TPR: variants seen among roughly 807,000 people sequenced by gnomAD.
The protein encoded by TPR is nucleoprotein TPR.
TPR carries 51 observed loss-of-function variants against 316.1 expected under a neutral mutation model. That is an observed-to-expected ratio of 0.16 (90% CI 0.13 to 0.20). The LOEUF is 0.20. Ranked by LOEUF, TPR falls within the 10% of genes least tolerant of loss-of-function variation. The pLI is 1.00. For synonymous variants in TPR, 981 were observed against 914.7 expected (o/e 1.07, Z -1.31); for missense variants, 2,272 against 2,754.8 (o/e 0.82, Z 3.92).
In TPR at chr1:186,351,374, C is replaced by G; in HGVS notation, c.2566G>C (p.Glu856Gln). The G allele has an allele frequency of 6.2e-7, 1 of 1,612,510 alleles. No individual in the cohort carries two copies. Among genetic ancestry groups the G allele is most frequent in the Non-Finnish European group, 8.5e-7 (1 of 1,179,320 alleles). ...HEISHLKKKL[E>Q]NEVEQRHTLT... is the part of the protein sequence containing the mutation. ...GTATGCCTTTGTTCCACCTCATTTT[C>G]CAACTTCTTCTTTAGATGAGAGATC... is the stretch of plus-strand genomic sequence containing the variant. The change falls in exon 20 of 51, where the codon GAA (glutamate) becomes CAA (glutamine). Residue 856 changes from glutamate (E) to glutamine (Q), a missense_variant. Around this residue, in one of 10 missense-constraint regions of TPR, gnomAD observed 757 missense variants for 859.8 expected, o/e 0.88. Coordinates refer to ENST00000367478, the MANE Select transcript of TPR (RefSeq NM_003292.3).
chr1:186,338,165 C>T lies in TPR; in HGVS notation c.4230G>A (p.Lys1410=). 1.2e-6 allele frequency: 2 copies of T among 1,612,738 alleles called. No homozygotes were observed. The highest frequency in any genetic ancestry group is 1.7e-6 in the Non-Finnish European group (2 of 1,179,422). Residue 1410 remains lysine, a synonymous_variant, in exon 31 of 51, where the codon AAG becomes AAA. Transcript: ENST00000367478. Reference sequence around the variant, plus strand: ...CATCTAAGTCCTTCTGGATGGTTTCCTTTTCAGTTCTTACTTTATTTAGAT... The same window carrying T: ...CATCTAAGTCCTTCTGGATGGTTTCTTTTTCAGTTCTTACTTTATTTAGAT... ...KEDLNKVRTE[K]ETIQKDLDAK...
rs536722731 is a variant in TPR, at chr1:186,329,304, T to C, written c.5689-1644A>G. Among the ~76,000 whole-genome samples the C allele has an allele frequency of 7.2e-5, 11 of 152,324 alleles. No individual in the cohort carries two copies. The South Asian group carries it at 1.9e-3, about 26-fold the overall frequency. ...TTCAGAAACAATGCTCTCTGAAGGA[T>C]AGATGAAAAAGATATCATTTATAGT... On this transcript the variant is annotated intron_variant, in intron 39 of 50. Transcript: ENST00000367478.
At chr1:186,319,751 C>T (rs1657721166) in intron 46 of TPR, among the ~76,000 whole-genome samples, 1 of 152,062 alleles carries the variant, frequency 6.6e-6, no homozygotes, top group African/African-American at 2.4e-5. Flanking sequence ...ATATGAATTC[C>T]AACTGAGGAT....
intron 46 of TPR, among the ~76,000 whole-genome samples, chr1:186,320,005 CTATATT>C (rs1657731283): frequency 6.6e-6 from 1 of 152,030 alleles, no homozygotes; most frequent in African/African-American, 2.4e-5. Flanking sequence ...CTAGTAGTAC[CTATATT>C]TATTGGTTCA....
intron 26 of TPR, 144 bp downstream of exon 26, chr1:186,343,762 G>T: frequency 3.3e-6 from 3 of 895,698 alleles, no homozygotes; most frequent in South Asian, 2.0e-5. Flanking sequence ...ATGTGTAAAT[G>T]TTAAAAGTTA....
At position 186,357,751 on chromosome 1, in the gene TPR, TA is replaced by T. The variant is rs896630730; in HGVS notation, c.1498-129del. 1.5e-5 allele frequency: 11 copies of T among 726,290 alleles called. No individual in the cohort carries two copies. In the East Asian group the frequency reaches 3.1e-4, roughly 20 times the overall value. 45.0% of individuals were successfully genotyped at this position (726,290 alleles called of 1,614,324 possible). On this transcript the variant is annotated intron_variant, in intron 13 of 50. Transcript: ENST00000367478. Reference sequence around the variant, plus strand: ...AACTTGTACTGCCTCAAATTATCTTTAAAAATAAAGCATCCTTGGATATTAA... The same window carrying T: ...AACTTGTACTGCCTCAAATTATCTTTAAAATAAAGCATCCTTGGATATTAA...
At chr1:186,361,973 T>A (rs1018745708) in intron 7 of TPR, 104 bp from the exon 8 acceptor site, 1 of 1,011,114 alleles carries the variant, frequency 9.9e-7, no homozygotes, top group Non-Finnish European at 1.4e-6. Flanking sequence ...AAGAGCTAAA[T>A]CTAAAACACT....
rs1482727637 is a variant in TPR at position 186,344,421 on chromosome 1, A to T, written c.3371T>A (p.Leu1124Ter). The change falls in exon 25 of 51, where the codon TTG becomes TAG. Residue 1124 changes from leucine to a stop codon, truncating the protein, a stop_gained. Transcript: ENST00000367478. LOFTEE classifies it high-confidence loss of function. ...CTCCCAAGATGCTTTACACTCCAACAACTGTGATTCTGCTTTCTGTGTTGT... is the reference window on the plus strand; with the variant it reads ...CTCCCAAGATGCTTTACACTCCAACTACTGTGATTCTGCTTTCTGTGTTGT... Reference protein sequence around the residue: ...EETTQKAESQLLECKASWEER... With the variant: ...EETTQKAESQ 1 of 1,614,124 alleles carries T rather than the reference A, an allele frequency of 6.2e-7. No homozygotes were observed. The highest frequency in any genetic ancestry group is 8.5e-7 in the Non-Finnish European group (1 of 1,179,988).
chr1:186,372,014 G>A (rs927170483), intron 2 of TPR, among the ~76,000 whole-genome samples: 1 of 151,972 alleles, frequency 6.6e-6, no homozygotes, highest in African/African-American at 2.4e-5. Flanking sequence ...TTTTTATTAT[G>A]GCTAGGCAAA....
intron 21 of TPR, among the ~76,000 whole-genome samples, chr1:186,349,511 T>C (rs1199726850): frequency 6.7e-6 from 1 of 150,040 alleles, no homozygotes; most frequent in African/African-American, 2.5e-5. Flanking sequence ...ATACAAAAAA[T>C]GAGCTGTGCG....
At chr1:186,329,435 G>A (rs1474656361) in intron 39 of TPR, among the ~76,000 whole-genome samples, 1 of 152,266 alleles carries the variant, frequency 6.6e-6, no homozygotes, top group African/African-American at 2.4e-5. Flanking sequence ...ACAGCTATAA[G>A]ATGCAAGCAT....
At position 186,323,715 on chromosome 1, in the gene TPR, G is replaced by T; in HGVS notation, c.6268C>A (p.Pro2090Thr). 6.6e-7 allele frequency: 1 copy of T among 1,510,602 alleles called. No individual in the cohort carries two copies. Among genetic ancestry groups the T allele is most frequent in the Non-Finnish European group, 8.8e-7 (1 of 1,142,824 alleles). 93.6% of individuals were successfully genotyped at this position (1,510,602 alleles called of 1,614,324 possible). A position where few individuals can be genotyped will look rare whatever the true frequency, so the allele number is the denominator to read the frequency against. ...ACTGGTGGTCCCAACTCCTGAGGTG[G>T]GGCATGAATGGTCAGTCTTGGGGGA... ...PLPPRLTIHA[P>T]PQELGPPVQR... The change falls in exon 43 of 51, where the codon CCA becomes ACA. Residue 2090 changes from proline (P) to threonine (T), a missense_variant. Pro to Thr is a conservative substitution (Grantham distance 38, BLOSUM62 -1). Coordinates refer to ENST00000367478, the MANE Select transcript of TPR (RefSeq NM_003292.3).
Position 186,350,284 on chromosome 1 carries a change from T to C in TPR, c.2715A>G (p.Lys905=). The C allele has an allele frequency of 6.2e-7, 1 of 1,613,872 alleles. No homozygotes were observed. The highest frequency in any genetic ancestry group is 8.5e-7 in the Non-Finnish European group (1 of 1,179,908). ...KNAQKEIATL[K]QHLSNMEVQV... is the part of the protein sequence containing the mutation. Reference sequence around the variant, plus strand: ...GGACTTCCATATTACTGAGGTGCTGTTTCAATGTGGCAATTTCTTTTTGAG... The same window carrying C: ...GGACTTCCATATTACTGAGGTGCTGCTTCAATGTGGCAATTTCTTTTTGAG... The change falls in exon 21 of 51, where the codon AAA becomes AAG. Residue 905 remains lysine, a synonymous_variant. Coordinates refer to ENST00000367478, the MANE Select transcript of TPR (RefSeq NM_003292.3).
chr1:186,365,829 G>A (rs1488210842), intron 4 of TPR, among the ~76,000 whole-genome samples: 3 of 152,212 alleles, frequency 2.0e-5, no homozygotes, highest in African/African-American at 4.8e-5. Context: ...GTGGGATGAA[G>A]GGTTTCAAGA....
chr1:186,370,914 A>T, intron 3 of TPR, 56 bp downstream of exon 3: 1 of 1,434,964 alleles, frequency 7.0e-7, no homozygotes, highest in Non-Finnish European at 9.8e-7. Context: ...ATCAGAATAG[A>T]ATGTCCCTTC....
Position 186,360,321 on chromosome 1 carries a change from A to T in TPR, c.1143T>A (p.Thr381=). The change falls in exon 11 of 51, where the codon ACT becomes ACA. Residue 381 remains threonine, a synonymous_variant. Transcript: ENST00000367478. The part of the protein sequence containing the change: ...SEEELAAMSP[T]AAAVAKIVKP... Reference sequence around the variant, plus strand: ...TCACTATCTTAGCTACAGCTGCTGCAGTAGGAGACATGGCGGCAAGCTCTT... The same window carrying T: ...TCACTATCTTAGCTACAGCTGCTGCTGTAGGAGACATGGCGGCAAGCTCTT... 6.2e-7 allele frequency: 1 copy of T among 1,613,528 alleles called. No homozygotes were observed. The highest frequency in any genetic ancestry group is 8.5e-7 in the Non-Finnish European group (1 of 1,179,528).
chr1:186,345,525 T>A (rs1296769728), intron 24 of TPR, 55 bp downstream of exon 24: 1 of 1,374,184 alleles, frequency 7.3e-7, no homozygotes, highest in Non-Finnish European at 1.0e-6. Flanking sequence ...TAAATATACT[T>A]CAAGAATCAT....
chr1:186,367,813 G>A, intron 4 of TPR, 73 bp downstream of exon 4: 1 of 1,045,700 alleles, frequency 9.6e-7, no homozygotes, highest in Non-Finnish European at 1.4e-6. Context: ...GAAATGGGCT[G>A]AGCACTAACT....
chr1:186,318,832 A>G lies in TPR; in HGVS notation c.6569-4T>C. On this transcript the variant is annotated splice_polypyrimidine_tract_variant and splice_region_variant and intron_variant, in intron 46 of 50. Coordinates refer to ENST00000367478, the MANE Select transcript of TPR (RefSeq NM_003292.3). ...GGTGTTTCATACATTCCTAAACCTA[A>G]AGACAATTCTGAATATTAATGAATG... 1 of 1,612,900 alleles carries G rather than the reference A, an allele frequency of 6.2e-7. No homozygotes were observed. Among genetic ancestry groups the G allele is most frequent in the Non-Finnish European group, 8.5e-7 (1 of 1,179,560 alleles).
Sources: gnomAD v4.1 joint callset for allele counts (sites outside exome capture counted in the v4.1 genomes callset) on GRCh38, gnomAD v4.1.1 for gene constraint, gnomAD v4.1.1 regional missense constraint, MANE v1.5 for transcripts, NCBI Gene and HGNC (gene_info 2026-07-23, HGNC 2026-07-21) for gene names.